EVX1: variants seen among roughly 807,000 people sequenced by gnomAD.
The protein encoded by EVX1 is homeobox even-skipped homolog protein 1.
In EVX1, 19 loss-of-function variants were observed where a neutral mutation model predicts 28.6. The ratio of observed to expected loss-of-function variants is 0.67; its 90% CI spans 0.46 to 0.98. The LOEUF (loss-of-function observed/expected upper bound fraction) is 0.98. Ranked by LOEUF, EVX1 falls within the 50% of genes least tolerant of loss-of-function variation. The pLI is 0.00. For missense variants in EVX1, 660 were observed against 583.0 expected (o/e 1.13, Z -1.36); for synonymous variants, 324 against 278.2 (o/e 1.16, Z -1.64).
At position 27,243,095 on chromosome 7, in the gene EVX1, A is replaced by G. The variant is rs1291599276; in HGVS notation, c.65A>G (p.Lys22Arg). 5.0e-6 allele frequency: 8 copies of G among 1,612,380 alleles called. No individual in the cohort carries two copies. Among genetic ancestry groups the G allele is most frequent in the Non-Finnish European group, 6.8e-6 (8 of 1,179,346 alleles). Residue 22 changes from lysine (K) to arginine (R), a missense_variant, in exon 1 of 3, where the codon AAG (lysine) becomes AGG (arginine). Around this residue, in one of 3 missense-constraint regions of EVX1, gnomAD observed 308 missense variants for 256.6 expected, o/e 1.20. Coordinates refer to ENST00000496902, the MANE Select transcript of EVX1 (RefSeq NM_001989.5). ...DGGQLGTLVGKRVSNLSEAVG... is the reference protein window; with the variant it reads ...DGGQLGTLVGRRVSNLSEAVG... ...GGTCAGCTTGGCACTCTGGTTGGCAAGAGAGTCTCAAATTTGTCCGAAGCC... is the reference window on the plus strand; with the variant it reads ...GGTCAGCTTGGCACTCTGGTTGGCAGGAGAGTCTCAAATTTGTCCGAAGCC...
rs1376743283 is a variant in EVX1, at chr7:27,247,265, G to C, written c.*840G>C. On this transcript the variant is annotated 3_prime_UTR_variant, in exon 3 of 3. Coordinates refer to ENST00000496902, the MANE Select transcript of EVX1 (RefSeq NM_001989.5). Reference sequence around the variant, plus strand: ...CTGATTAGCAAGTGATGTGTGCGAGGAGGGTTTGTGAATGTTGAATGTGTA... The same window carrying C: ...CTGATTAGCAAGTGATGTGTGCGAGCAGGGTTTGTGAATGTTGAATGTGTA... 1 of 152,260 alleles carries C rather than the reference G, an allele frequency of 6.6e-6. No homozygotes were observed. Among genetic ancestry groups the C allele is most frequent in the Non-Finnish European group, 1.5e-5 (1 of 68,096 alleles). 9.4% of individuals were successfully genotyped at this position (152,260 alleles called of 1,614,324 possible).
At position 27,246,668 on chromosome 7, in the gene EVX1, TC is replaced by T. The variant is rs1783201921; in HGVS notation, c.*245del. On this transcript the variant is annotated 3_prime_UTR_variant, in exon 3 of 3. Coordinates refer to ENST00000496902, the MANE Select transcript of EVX1 (RefSeq NM_001989.5). ...GGAAGCAGAGCTTGAGAGACCTTCCTCCGGGGCAGCCTCCGGACCCACCGCC... is the reference window on the plus strand; with the variant it reads ...GGAAGCAGAGCTTGAGAGACCTTCCTCGGGGCAGCCTCCGGACCCACCGCC... The T allele has an allele frequency of 3.8e-6, 2 of 524,864 alleles. No individual in the cohort carries two copies. The highest frequency in any genetic ancestry group is 3.6e-5 in the East Asian group (1 of 27,736). The allele number at this position is 524,864 out of a possible 1,614,324, so 32.5% of individuals were successfully genotyped here.
At position 27,246,340 on chromosome 7, in the gene EVX1, C is replaced by G. The variant is rs1273292160; in HGVS notation, c.1139C>G (p.Ser380Cys). 1 of 1,601,168 alleles carries G rather than the reference C, an allele frequency of 6.2e-7. No individual in the cohort carries two copies. Among genetic ancestry groups the G allele is most frequent in the East Asian group, 2.2e-5 (1 of 44,626 alleles). ...FTCASTSRSDSFLTFAPSVLS... is the reference protein window; with the variant it reads ...FTCASTSRSDCFLTFAPSVLS... ...TGTGCCTCCACCTCCCGCTCGGACT[C>G]CTTCCTCACCTTCGCGCCCTCGGTG... The change falls in exon 3 of 3, where the codon TCC (serine) becomes TGC (cysteine). Residue 380 changes from serine to cysteine, a missense_variant. By Grantham distance (112) the Ser-to-Cys change is moderately radical. Coordinates refer to ENST00000496902, the MANE Select transcript of EVX1 (RefSeq NM_001989.5).
In EVX1 at chr7:27,242,888, C is replaced by A; in HGVS notation, c.-143C>A. The A allele has an allele frequency of 2.1e-6, 2 of 959,850 alleles. No homozygotes were observed. The highest frequency in any genetic ancestry group is 1.5e-6 in the Non-Finnish European group (1 of 676,562). The allele number at this position is 959,850 out of a possible 1,614,324, so 59.5% of individuals were successfully genotyped here. A position where few individuals can be genotyped will look rare whatever the true frequency, so the allele number is the denominator to read the frequency against. Reference sequence around the variant, plus strand: ...CGCCGCGGTCGCGGTCCAGACCGCGCTCCAGCAGCTCCGCGCCCTCCCAGG... The same window carrying A: ...CGCCGCGGTCGCGGTCCAGACCGCGATCCAGCAGCTCCGCGCCCTCCCAGG... On this transcript the variant is annotated 5_prime_UTR_variant, in exon 1 of 3. Transcript: ENST00000496902.
rs1309366349 is a variant in EVX1 at position 27,245,237 on chromosome 7, A to G, written c.617A>G (p.Asn206Ser). The change falls in exon 2 of 3, where the codon AAC becomes AGC. Residue 206 changes from asparagine to serine, a missense_variant. Transcript: ENST00000496902. ...ARLEKEFYRE[N>S]YVSRPRRCEL... is the part of the protein sequence containing the mutation. ...CTGGAGAAGGAATTCTACCGGGAGAACTACGTATCCAGGCCGCGGAGATGT... is the reference window on the plus strand; with the variant it reads ...CTGGAGAAGGAATTCTACCGGGAGAGCTACGTATCCAGGCCGCGGAGATGT... 6.2e-7 allele frequency: 1 copy of G among 1,613,582 alleles called. No homozygotes were observed.
intron 1 of EVX1, 196 bp downstream of exon 1, chr7:27,243,653 G>A: frequency 1.7e-6 from 1 of 595,214 alleles, no homozygotes; most frequent in Admixed American, 3.8e-5. Context: ...GAGGGTGACA[G>A]CAGTGCCTTG....
intron 2 of EVX1, 132 bp from the exon 3 acceptor site, chr7:27,245,754 G>T (rs1324825306): frequency 7.8e-7 from 1 of 1,284,528 alleles, no homozygotes; most frequent in African/African-American, 1.5e-5. Flanking sequence ...GGTGGGGTCG[G>T]TCTCTACCCG....
At position 27,246,637 on chromosome 7, in the gene EVX1, G is replaced by A; in HGVS notation, c.*212G>A. Reference sequence around the variant, plus strand: ...TGGCGCGTTTGGGGAGCAGGAGTGGGGATAGGGAAGCAGAGCTTGAGAGAC... The same window carrying A: ...TGGCGCGTTTGGGGAGCAGGAGTGGAGATAGGGAAGCAGAGCTTGAGAGAC... On this transcript the variant is annotated 3_prime_UTR_variant, in exon 3 of 3. Transcript: ENST00000496902. 3 of 580,216 alleles carry A rather than the reference G, an allele frequency of 5.2e-6. No individual in the cohort carries two copies. The highest frequency in any genetic ancestry group is 8.8e-6 in the Non-Finnish European group (3 of 340,604). 35.9% of individuals were successfully genotyped at this position (580,216 alleles called of 1,614,324 possible).
At chr7:27,245,696 G>T (rs552373610) in intron 2 of EVX1, among the ~76,000 whole-genome samples, 190 bp from the exon 3 acceptor site, 1 of 152,266 alleles carries the variant, frequency 6.6e-6, no homozygotes, top group South Asian at 2.1e-4. Flanking sequence ...GCGGGCTGGA[G>T]TCACTCCCCA....
At chr7:27,243,573 C>T (rs1783087493) in intron 1 of EVX1, 116 bp downstream of exon 1, 2 of 1,115,590 alleles carry the variant, frequency 1.8e-6, no homozygotes, top group Non-Finnish European at 2.5e-6. Context: ...GGGGGACCCA[C>T]CTGAGCAACT....
In EVX1 at chr7:27,242,979, G is replaced by A. The variant is rs190949069; in HGVS notation, c.-52G>A. The A allele has an allele frequency of 2.3e-4, 329 of 1,436,928 alleles. 1 individual carries two copies. In the African/African-American group the frequency reaches 4.1e-3, roughly 18 times the overall value. 89.0% of individuals were successfully genotyped at this position (1,436,928 alleles called of 1,614,324 possible). A position where few individuals can be genotyped will look rare whatever the true frequency, so the allele number is the denominator to read the frequency against. ...CCGGCCGCTGGAGACCCAGGGAGCC[G>A]GGGTTAGGAACTCACTTGGGGCTTT... On this transcript the variant is annotated 5_prime_UTR_variant, in exon 1 of 3. Transcript: ENST00000496902.
Position 27,245,202 on chromosome 7 carries a change from G to A in EVX1, c.582G>A (p.Gln194=). The A allele has an allele frequency of 6.2e-7, 1 of 1,613,710 alleles. No individual in the cohort carries two copies. Among genetic ancestry groups the A allele is most frequent in the Admixed American group, 1.7e-5 (1 of 60,034 alleles). The stretch of plus-strand genomic sequence containing the variant: ...ACCGCACCGCCTTCACCCGAGAGCA[G>A]ATTGCGCGGCTGGAGAAGGAATTCT... The part of the protein sequence containing the change: ...RRYRTAFTRE[Q]IARLEKEFYR... Residue 194 remains glutamine, a synonymous_variant, in exon 2 of 3, where the codon CAG becomes CAA. Transcript: ENST00000496902.
Position 27,243,445 on chromosome 7 carries a change from C to T in EVX1, c.415C>T (p.Gln139Ter), listed in dbSNP as rs774720259. ...CTGCGCCACCGGGAACGCCGAGTACCAGCACAGCAAAGGTAGCCACCGTGC... is the reference window on the plus strand; with the variant it reads ...CTGCGCCACCGGGAACGCCGAGTACTAGCACAGCAAAGGTAGCCACCGTGC... The part of the protein sequence containing the change: ...PDCATGNAEY[Q>*]HSKGSGSEAL... The change falls in exon 1 of 3, where the codon CAG (glutamine) becomes TAG (stop). Residue 139 changes from glutamine (Q) to a stop codon, truncating the protein, a stop_gained. Transcript: ENST00000496902. LOFTEE classifies it high-confidence loss of function. 6.2e-7 allele frequency: 1 copy of T among 1,602,666 alleles called. No individual in the cohort carries two copies. Among genetic ancestry groups the T allele is most frequent in the South Asian group, 1.1e-5 (1 of 89,718 alleles).
rs766927583 is a variant in EVX1 at position 27,246,279 on chromosome 7, C to A, written c.1078C>A (p.Leu360Met). 1 of 1,575,648 alleles carries A rather than the reference C, an allele frequency of 6.3e-7. No homozygotes were observed. Among genetic ancestry groups the A allele is most frequent in the Admixed American group, 1.7e-5 (1 of 57,616 alleles). ...CTGTCACAGCGGCCCGGCCAACGGGCTGGCGCCCCGGGCTGCCGCCGCCTC... is the reference window on the plus strand; with the variant it reads ...CTGTCACAGCGGCCCGGCCAACGGGATGGCGCCCCGGGCTGCCGCCGCCTC... ...LACHSGPANG[L>M]APRAAAASDF... The change falls in exon 3 of 3, where the codon CTG becomes ATG. Residue 360 changes from leucine to methionine, a missense_variant. Around this residue, in one of 3 missense-constraint regions of EVX1, gnomAD observed 299 missense variants for 241.3 expected, o/e 1.24. Transcript: ENST00000496902.
At chr7:27,244,567 C>T in intron 1 of EVX1, 1 of 870,808 alleles carries the variant, frequency 1.1e-6, no homozygotes, top group Non-Finnish European at 1.4e-6. Flanking sequence ...CCCTGCAATA[C>T]ACGGAACCTA....
Position 27,247,621 on chromosome 7 carries a change from C to T in EVX1, c.*1196C>T, listed in dbSNP as rs1198935075. The T allele has an allele frequency of 6.6e-6, 1 of 152,172 alleles. No individual in the cohort carries two copies. Among genetic ancestry groups the T allele is most frequent in the African/African-American group, 2.4e-5 (1 of 41,430 alleles). 9.4% of individuals were successfully genotyped at this position (152,172 alleles called of 1,614,324 possible). A position where few individuals can be genotyped will look rare whatever the true frequency, so the allele number is the denominator to read the frequency against. On this transcript the variant is annotated 3_prime_UTR_variant, in exon 3 of 3. Transcript: ENST00000496902. The stretch of plus-strand genomic sequence containing the variant: ...GTTTGTTTAGAGCCACTCCCAAATC[C>T]TCACTCCCACACTCATCCTTGCAGC...
chr7:27,242,965 A>C lies in EVX1; in HGVS notation c.-66A>C. Reference sequence around the variant, plus strand: ...CAACCAAGATCCGTCCGGCCGCTGGAGACCCAGGGAGCCGGGGTTAGGAAC... The same window carrying C: ...CAACCAAGATCCGTCCGGCCGCTGGCGACCCAGGGAGCCGGGGTTAGGAAC... On this transcript the variant is annotated 5_prime_UTR_variant, in exon 1 of 3. Transcript: ENST00000496902. 7.2e-7 allele frequency: 1 copy of C among 1,393,820 alleles called. No homozygotes were observed. The highest frequency in any genetic ancestry group is 9.5e-7 in the Non-Finnish European group (1 of 1,057,030). 86.3% of individuals were successfully genotyped at this position (1,393,820 alleles called of 1,614,324 possible). A position where few individuals can be genotyped will look rare whatever the true frequency, so the allele number is the denominator to read the frequency against.
Position 27,243,304 on chromosome 7 carries a change from C to G in EVX1, c.274C>G (p.Leu92Val), listed in dbSNP as rs1783077218. ...AEPQVAGAAMLGPGPPAPSVD... is the reference protein window; with the variant it reads ...AEPQVAGAAMVGPGPPAPSVD... ...GCCCCAGGTAGCTGGGGCGGCCATG[C>G]TCGGCCCAGGACCCCCGGCCCCCTC... Residue 92 changes from leucine to valine, a missense_variant, in exon 1 of 3, where the codon CTC becomes GTC. By Grantham distance (32) the Leu-to-Val change is conservative (BLOSUM62 1). Coordinates refer to ENST00000496902, the MANE Select transcript of EVX1 (RefSeq NM_001989.5). The G allele has an allele frequency of 1.3e-6, 2 of 1,566,268 alleles. No individual in the cohort carries two copies. The highest frequency in any genetic ancestry group is 1.7e-6 in the Non-Finnish European group (2 of 1,157,206).
In EVX1 at chr7:27,247,533, C is replaced by T. The variant is rs1409514235; in HGVS notation, c.*1108C>T. 2.0e-5 allele frequency: 3 copies of T among 152,228 alleles called. No homozygotes were observed. Among genetic ancestry groups the T allele is most frequent in the African/African-American group, 4.8e-5 (2 of 41,458 alleles). The allele number at this position is 152,228 out of a possible 1,614,324, so 9.4% of individuals were successfully genotyped here. ...TTCCCAAGCTACCACTGGAGCTTGA[C>T]TTTCAGATACCAGTGGGAGCCTTCT... On this transcript the variant is annotated 3_prime_UTR_variant, in exon 3 of 3. Transcript: ENST00000496902.
Sources: allele counts gnomAD v4.1 joint callset (sites outside exome capture counted in the v4.1 genomes callset), GRCh38; gene constraint gnomAD v4.1.1; regional missense constraint gnomAD v4.1.1; transcripts MANE v1.5; gene names NCBI Gene and HGNC (gene_info 2026-07-23, HGNC 2026-07-21).